DNAAF9: variants seen among roughly 807,000 people sequenced by gnomAD.
DNAAF9 encodes shulin.
A neutral mutation model predicts 167.0 loss-of-function variants in DNAAF9; 90 were observed. The ratio of observed to expected loss-of-function variants is 0.54; its 90% CI spans 0.45 to 0.64. DNAAF9 has a LOEUF of 0.64. Ranked by LOEUF, DNAAF9 falls within the 30% of genes least tolerant of loss-of-function variation. The pLI, the probability that DNAAF9 is intolerant of heterozygous loss-of-function variation, is 0.00. For missense variants in DNAAF9, 1,315 were observed against 1,442.2 expected (o/e 0.91, Z 1.43); for synonymous variants, 491 against 508.8 (o/e 0.96, Z 0.47).
chr20:3,367,693 CAT>C (rs1338417045), intron 6 of DNAAF9, among the ~76,000 whole-genome samples: 12 of 152,154 alleles, frequency 7.9e-5, no homozygotes, highest in Non-Finnish European at 1.8e-4. Flanking sequence ...TTCATCATCT[CAT>C]ATGAGTGCAG....
intron 7 of DNAAF9, among the ~76,000 whole-genome samples, chr20:3,357,552 T>C (rs564522184): frequency 7.2e-5 from 11 of 152,286 alleles, no homozygotes; most frequent in African/African-American, 2.2e-4. Flanking sequence ...AATGCTCAAT[T>C]TTCTTAATCT....
chr20:3,305,274 G>A (rs113355139), intron 20 of DNAAF9, among the ~76,000 whole-genome samples: 6,727 of 152,250 alleles, frequency 0.044, 223 homozygotes, highest in African/African-American at 0.094. Context: ...CTGGGCCTGG[G>A]CTTGCTTTGG....
At chr20:3,317,032 T>C (rs1225091469) in intron 17 of DNAAF9, among the ~76,000 whole-genome samples, 1 of 151,380 alleles carries the variant, frequency 6.6e-6, no homozygotes, top group Non-Finnish European at 1.5e-5. Context: ...ATAGCTGGGA[T>C]TACAGATGCG....
At chr20:3,348,341 A>G (rs1600832270) in intron 8 of DNAAF9, among the ~76,000 whole-genome samples, 184 bp downstream of exon 8, 2 of 152,174 alleles carry the variant, frequency 1.3e-5, no homozygotes, top group East Asian at 3.9e-4. Flanking sequence ...CTGGCACAAA[A>G]TAAAAGACAA....
At chr20:3,288,322 T>C (rs2068887674) in intron 26 of DNAAF9, among the ~76,000 whole-genome samples, 2 of 152,178 alleles carry the variant, frequency 1.3e-5, no homozygotes, top group Non-Finnish European at 2.9e-5. Flanking sequence ...TGGTGGCGCA[T>C]GCCTGTAATC....
rs553838332 is a variant in DNAAF9, at chr20:3,315,468, T to A, written c.1590+267A>T. Among the ~76,000 whole-genome samples, 16 of 152,336 alleles carry A rather than the reference T, an allele frequency of 1.1e-4. No individual in the cohort carries two copies. The East Asian group carries it at 1.7e-3, about 17-fold the overall frequency. ...TCTCAGCTCTACATGTCTAGGCCAATCTGGGATCTGCTTTTAATATTATGG... is the reference window on the plus strand; with the variant it reads ...TCTCAGCTCTACATGTCTAGGCCAAACTGGGATCTGCTTTTAATATTATGG... On this transcript the variant is annotated intron_variant, in intron 19 of 36. Coordinates refer to ENST00000252032, the MANE Select transcript of DNAAF9 (RefSeq NM_001009984.3). The surrounding 1 kb of genome is among the most constrained non-coding windows in gnomAD (Gnocchi z 4.1).
chr20:3,295,160 C>T (rs1039933625), intron 23 of DNAAF9, among the ~76,000 whole-genome samples: 2 of 150,540 alleles, frequency 1.3e-5, no homozygotes, highest in African/African-American at 4.9e-5. Context: ...TGAGCCACCG[C>T]ACCCAGCTCC....
chr20:3,349,751 T>C (rs758545498), intron 7 of DNAAF9, among the ~76,000 whole-genome samples: 1 of 152,168 alleles, frequency 6.6e-6, no homozygotes, highest in African/African-American at 2.4e-5. Context: ...TTGAAGGTTA[T>C]CATCAATTAA....
At chr20:3,328,188 T>TTTTTTTTTTGTTTGTTTTG (rs757945235) in intron 12 of DNAAF9, among the ~76,000 whole-genome samples, 24,296 of 138,346 alleles carry the variant, frequency 0.18, 2,104 homozygotes, top group African/African-American at 0.19. Context: ...GCTCTGTTTT[T>TTTTTTTTTTGTTTGTTTTG]TTTTTTTTTT....
At chr20:3,375,252 G>A (rs2083560427) in intron 4 of DNAAF9, 126 bp from the exon 5 acceptor site, 3 of 638,194 alleles carry the variant, frequency 4.7e-6, no homozygotes, top group South Asian at 2.0e-5. Context: ...ACCCAAGGAG[G>A]TGTTTCCAAA....
At position 3,315,963 on chromosome 20, in the gene DNAAF9, G is replaced by C; in HGVS notation, c.1540-178C>G. On this transcript the variant is annotated intron_variant, in intron 18 of 36. Coordinates refer to ENST00000252032, the MANE Select transcript of DNAAF9 (RefSeq NM_001009984.3). This position sits in a 1 kb window ranked among gnomAD's most constrained non-coding sequence, Gnocchi z 4.1. ...GATGTCTGCTGGTCACCTGGGCTCA[G>C]AGCCCAAGGCCTTGGTGGGCTCTCT... The C allele has an allele frequency of 3.2e-6, 2 of 630,502 alleles. No individual in the cohort carries two copies. The highest frequency in any genetic ancestry group is 5.4e-5 in the East Asian group (2 of 36,716). 39.1% of individuals were successfully genotyped at this position (630,502 alleles called of 1,614,324 possible). A position where few individuals can be genotyped will look rare whatever the true frequency, so the allele number is the denominator to read the frequency against.
At position 3,403,556 on chromosome 20, in the gene DNAAF9, T is replaced by C. The variant is rs185196051; in HGVS notation, c.83+3919A>G. ...CATTTACATACTAGATCCCATTCCA[T>C]CTTACCTACTCAAGGACTTCACCCT... is the stretch of plus-strand genomic sequence containing the variant. On this transcript the variant is annotated intron_variant, in intron 1 of 36. Transcript: ENST00000252032. 2.0e-5 allele frequency among the ~76,000 whole-genome samples: 3 copies of C among 149,652 alleles called. No homozygotes were observed. In the East Asian group the frequency reaches 5.8e-4, roughly 29 times the overall value.
At chr20:3,363,834 T>C (rs1474504241) in intron 6 of DNAAF9, among the ~76,000 whole-genome samples, 2 of 152,264 alleles carry the variant, frequency 1.3e-5, no homozygotes, top group Admixed American at 6.5e-5. Flanking sequence ...ATCTTTTCTT[T>C]AGCATTATTC....
chr20:3,381,036 G>T (rs1163191880), intron 3 of DNAAF9, among the ~76,000 whole-genome samples: 2 of 152,156 alleles, frequency 1.3e-5, no homozygotes, highest in African/African-American at 2.4e-5. Context: ...ACAACTGAAG[G>T]TGCTTTCACA....
At position 3,319,262 on chromosome 20, in the gene DNAAF9, CAAAAAAAAA is replaced by C. The variant is rs57727958; in HGVS notation, c.1357-871_1357-863del. ...TGGGCAACGGACCGAGACCCCGTCT[CAAAAAAAAA>C]AAAAAAAAAAAAAAAAAAGCAAGAA... On this transcript the variant is annotated intron_variant, in intron 16 of 36. Coordinates refer to ENST00000252032, the MANE Select transcript of DNAAF9 (RefSeq NM_001009984.3). 1.4e-4 allele frequency among the ~76,000 whole-genome samples: 6 copies of C among 41,564 alleles called. 1 individual carries two copies. Among genetic ancestry groups the C allele is most frequent in the African/African-American group, 2.0e-4 (3 of 15,092 alleles). 27.3% of individuals were successfully genotyped at this position (41,564 alleles called of 152,430 possible).
chr20:3,390,313 T>G (rs2083809191), intron 1 of DNAAF9, among the ~76,000 whole-genome samples: 1 of 151,404 alleles, frequency 6.6e-6, no homozygotes, highest in Non-Finnish European at 1.5e-5. Flanking sequence ...GGCAAAATGT[T>G]AAAAACTGTG....
intron 1 of DNAAF9, among the ~76,000 whole-genome samples, chr20:3,401,858 T>A (rs1014900008): frequency 4.9e-5 from 1 of 20,520 alleles, no homozygotes; most frequent in African/African-American, 2.3e-4. Flanking sequence ...GGGGTGACCG[T>A]GGGGAGGGCT....
intron 6 of DNAAF9, chr20:3,361,876 T>C (rs1460845178): frequency 6.8e-7 from 1 of 1,467,694 alleles, no homozygotes; most frequent in Non-Finnish European, 9.5e-7. Flanking sequence ...GTTTTTCTTT[T>C]TGGTTAATTG....
rs376611860 is a variant in DNAAF9 at position 3,376,186 on chromosome 20, C to T, written c.400G>A (p.Glu134Lys). Reference protein sequence around the residue: ...WRNLHFHCMTENEYEDEEAAE... With the variant: ...WRNLHFHCMTKNEYEDEEAAE... Reference sequence around the variant, plus strand: ...TTCTCTTTTCTTCTTACCTCATTTTCGGTCATGCAGTGGAAATGCAGATTT... The same window carrying T: ...TTCTCTTTTCTTCTTACCTCATTTTTGGTCATGCAGTGGAAATGCAGATTT... The change falls in exon 4 of 37, where the codon GAA becomes AAA. Residue 134 changes from glutamate (E) to lysine (K), a missense_variant. Physicochemically the swap from Glu to Lys is moderately conservative, Grantham distance 56 (BLOSUM62 1). This residue lies in a region of DNAAF9 where 981 missense variants were observed against 1,012.5 expected (regional missense o/e 0.97). Coordinates refer to ENST00000252032, the MANE Select transcript of DNAAF9 (RefSeq NM_001009984.3). 5.0e-6 allele frequency: 8 copies of T among 1,612,258 alleles called. No homozygotes were observed. The highest frequency in any genetic ancestry group is 5.9e-6 in the Non-Finnish European group (7 of 1,179,490).
Sources: allele counts gnomAD v4.1 joint callset (sites outside exome capture counted in the v4.1 genomes callset), GRCh38; gene constraint gnomAD v4.1.1; regional missense constraint gnomAD v4.1.1; non-coding constraint Gnocchi (gnomAD v3.1); transcripts MANE v1.5; gene names NCBI Gene and HGNC (gene_info 2026-07-23, HGNC 2026-07-21).